Variants in FHIT observed in about 807,000 individuals in gnomAD.
The protein encoded by FHIT is bis(5'-adenosyl)-triphosphatase.
In FHIT, 19 loss-of-function variants were observed where a neutral mutation model predicts 17.9. The ratio of observed to expected loss-of-function variants is 1.06; its 90% confidence interval spans 0.74 to 1.56. The LOEUF (loss-of-function observed/expected upper bound fraction) is 1.56. Among genes scored for constraint, FHIT ranks in the 40% most tolerant of loss-of-function variants. The probability of loss-of-function intolerance (pLI) is 0.00; values close to 1 mark genes in which losing one functional copy is unlikely to be tolerated. For missense variants in FHIT, 248 were observed against 189.2 expected (o/e 1.31, Z -1.82); for synonymous variants, 81 against 69.7 (o/e 1.16, Z -0.81).
intron 3 of FHIT, among the ~76,000 whole-genome samples, chr3:61,018,573 G>A (rs1417244950): frequency 6.6e-6 from 1 of 152,166 alleles, no homozygotes; most frequent in Non-Finnish European, 1.5e-5. Context: ...ACAAGTAACA[G>A]CCTGTGCAGA....
intron 8 of FHIT, among the ~76,000 whole-genome samples, chr3:59,785,295 T>C (rs1702789976): frequency 6.9e-6 from 1 of 144,796 alleles, no homozygotes; most frequent in African/African-American, 2.5e-5. Flanking sequence ...CAGAAGTGAT[T>C]AGTGATGCAA....
At chr3:60,573,797 A>G (rs1331023847) in intron 4 of FHIT, among the ~76,000 whole-genome samples, 1 of 151,420 alleles carries the variant, frequency 6.6e-6, no homozygotes, top group Non-Finnish European at 1.5e-5. Flanking sequence ...GCGTTCATTT[A>G]TGTCTTGTGT....
chr3:60,441,776 GTATAAAAATA>G (rs1559916221), intron 5 of FHIT, among the ~76,000 whole-genome samples: 1 of 40,492 alleles, frequency 2.5e-5, no homozygotes, highest in African/African-American at 6.0e-5. Flanking sequence ...ATATTTATAT[GTATAAAAATA>G]TATATATATA....
At chr3:60,885,460 TAA>T (rs1329902204) in intron 3 of FHIT, among the ~76,000 whole-genome samples, 1 of 152,186 alleles carries the variant, frequency 6.6e-6, no homozygotes, top group Non-Finnish European at 1.5e-5. Context: ...GAAAATCTTA[TAA>T]GAGAGTTTTT....
intron 4 of FHIT, among the ~76,000 whole-genome samples, chr3:60,558,325 G>T (rs1418449296): frequency 6.6e-6 from 1 of 151,920 alleles, no homozygotes; most frequent in Non-Finnish European, 1.5e-5. Context: ...GCTCAGGCCA[G>T]GGTTTCAAGC....
At chr3:61,206,659 C>T (rs1057421048) in intron 1 of FHIT, among the ~76,000 whole-genome samples, 168 of 152,110 alleles carry the variant, frequency 1.1e-3, no homozygotes, top group African/African-American at 3.7e-3. Context: ...GATTTTTGCA[C>T]ATTGATTTTG....
At chr3:60,046,281 T>A (rs1398633345) in intron 5 of FHIT, among the ~76,000 whole-genome samples, 2 of 152,160 alleles carry the variant, frequency 1.3e-5, no homozygotes, top group Non-Finnish European at 2.9e-5. Flanking sequence ...AATGTTGAAT[T>A]TAGGCAAACA....
At chr3:61,083,851 G>C (rs1355202587) in intron 2 of FHIT, among the ~76,000 whole-genome samples, 1 of 152,078 alleles carries the variant, frequency 6.6e-6, no homozygotes, top group Non-Finnish European at 1.5e-5. Context: ...CTACTTGTTT[G>C]TCTAATAATA....
At chr3:59,943,200 C>T (rs890916040) in intron 7 of FHIT, among the ~76,000 whole-genome samples, 11 of 152,062 alleles carry the variant, frequency 7.2e-5, no homozygotes, top group South Asian at 2.1e-4. Context: ...AAATAGGAAT[C>T]AGGAAGCTGA....
chr3:60,507,938 G>A (rs1011423017), intron 5 of FHIT, among the ~76,000 whole-genome samples: 3 of 152,092 alleles, frequency 2.0e-5, no homozygotes, highest in African/African-American at 4.8e-5. Context: ...GAGCATTTAG[G>A]TTGATTCTAT....
rs544179905 is a variant in FHIT, at chr3:60,285,836, T to C, written c.103+251024A>G. ...TACATGTGATAATGTAATACATTCATATTACTTAGCATTGGGATATCCATC... is the reference window on the plus strand; with the variant it reads ...TACATGTGATAATGTAATACATTCACATTACTTAGCATTGGGATATCCATC... On this transcript the variant is annotated intron_variant, in intron 5 of 9. Transcript: ENST00000492590. 5.3e-5 allele frequency among the ~76,000 whole-genome samples: 8 copies of C among 152,330 alleles called. No individual in the cohort carries two copies. The South Asian group carries it at 1.7e-3, about 32-fold the overall frequency.
rs1302209366 is a variant in FHIT at position 60,701,256 on chromosome 3, TG to T, written c.-18+120662del. On this transcript the variant is annotated intron_variant, in intron 4 of 9. Coordinates refer to ENST00000492590, the MANE Select transcript of FHIT (RefSeq NM_002012.4). ...CTCCAACCTCAGCCTCCAAAGTAGC[TG>T]GGACTACAGGCATGTGCCACTGTAA... 3.9e-5 allele frequency among the ~76,000 whole-genome samples: 6 copies of T among 152,080 alleles called. No individual in the cohort carries two copies. In the South Asian group the frequency reaches 8.3e-4, roughly 21 times the overall value.
intron 5 of FHIT, among the ~76,000 whole-genome samples, chr3:60,363,055 G>A (rs1001374924): frequency 1.3e-5 from 2 of 152,166 alleles, no homozygotes; most frequent in African/African-American, 2.4e-5. Context: ...TATAGGAGCT[G>A]AATGAGAGAC....
At chr3:60,917,547 C>T (rs1707072678) in intron 3 of FHIT, among the ~76,000 whole-genome samples, 1 of 152,194 alleles carries the variant, frequency 6.6e-6, no homozygotes, top group Non-Finnish European at 1.5e-5. Flanking sequence ...CCACTTCTTT[C>T]TCCTCCCTAC....
At chr3:60,211,952 G>A (rs745804297) in intron 5 of FHIT, among the ~76,000 whole-genome samples, 1 of 152,088 alleles carries the variant, frequency 6.6e-6, no homozygotes, top group African/African-American at 2.4e-5. Flanking sequence ...ATATACACAC[G>A]TAAACTTATT....
intron 5 of FHIT, among the ~76,000 whole-genome samples, chr3:60,090,949 T>G (rs1703705675): frequency 6.6e-6 from 1 of 152,176 alleles, no homozygotes; most frequent in Non-Finnish European, 1.5e-5. Context: ...TGAATATGAT[T>G]TCAAAACAGT....
chr3:60,544,620 CAG>C (rs1316710976), intron 4 of FHIT, among the ~76,000 whole-genome samples: 1 of 99,430 alleles, frequency 1.0e-5, no homozygotes, highest in Admixed American at 1.4e-4. Context: ...TTTTTTGAGA[CAG>C]AGTCTCACTC....
At chr3:59,975,874 G>T (rs1337156132) in intron 7 of FHIT, among the ~76,000 whole-genome samples, 1 of 151,418 alleles carries the variant, frequency 6.6e-6, no homozygotes, top group African/African-American at 2.4e-5. Context: ...CAACCTACAT[G>T]ACCTAGATTT....
intron 8 of FHIT, among the ~76,000 whole-genome samples, chr3:59,867,895 T>C (rs1702727621): frequency 6.6e-6 from 1 of 151,980 alleles, no homozygotes; most frequent in Admixed American, 6.6e-5. Context: ...CTTGTTATAG[T>C]TGAAGAGACT....
Sources: allele counts gnomAD v4.1 joint callset (sites outside exome capture counted in the v4.1 genomes callset), GRCh38; gene constraint gnomAD v4.1.1; transcripts MANE v1.5; gene names NCBI Gene and HGNC (gene_info 2026-07-23, HGNC 2026-07-21).